GRM1: variants seen among roughly 807,000 people sequenced by gnomAD.
The protein encoded by GRM1 is glutamate metabotropic receptor 1, also known as metabotropic glutamate receptor 1.
In GRM1, 33 loss-of-function variants were observed where a neutral mutation model predicts 90.9. The observed-to-expected ratio is 0.36, with a 90% CI of 0.28 to 0.49. The LOEUF is 0.49. GRM1 is among the 20% of genes least tolerant of loss of function. GRM1 has a pLI of 0.99. For synonymous variants in GRM1, 700 were observed against 613.2 expected (o/e 1.14, Z -2.09); for missense variants, 1,190 against 1,534.3 (o/e 0.78, Z 3.75).
chr6:146,132,318 G>C (rs1405956020), intron 1 of GRM1, among the ~76,000 whole-genome samples: 2 of 152,146 alleles, frequency 1.3e-5, no homozygotes, highest in Admixed American at 6.5e-5. Context: ...TATGGCAATA[G>C]TCAAGGAGCG....
At chr6:146,084,447 C>T (rs1010923258) in intron 1 of GRM1, among the ~76,000 whole-genome samples, 6 of 152,042 alleles carry the variant, frequency 3.9e-5, no homozygotes, top group East Asian at 1.9e-4. Flanking sequence ...TCTTCGTTCT[C>T]GTTGGTTTCA....
intron 6 of GRM1, among the ~76,000 whole-genome samples, chr6:146,396,408 T>C (rs1029775496): frequency 2.6e-5 from 4 of 152,138 alleles, no homozygotes; most frequent in Admixed American, 6.5e-5. Flanking sequence ...AGTATTCTTG[T>C]AAAGGTTTTC....
At chr6:146,247,417 C>CT (rs1479786974) in intron 2 of GRM1, among the ~76,000 whole-genome samples, 1 of 152,058 alleles carries the variant, frequency 6.6e-6, no homozygotes, top group Non-Finnish European at 1.5e-5. Flanking sequence ...AATAAGTAGC[C>CT]TGCTACTTTA....
intron 2 of GRM1, among the ~76,000 whole-genome samples, chr6:146,276,481 GA>G (rs923023757): frequency 2.6e-5 from 4 of 151,918 alleles, no homozygotes; most frequent in African/African-American, 9.7e-5. Flanking sequence ...TGTTATTATA[GA>G]ACATAATTAT....
intron 1 of GRM1, among the ~76,000 whole-genome samples, chr6:146,080,739 AT>A (rs984933358): frequency 6.6e-6 from 1 of 152,102 alleles, no homozygotes; most frequent in Non-Finnish European, 1.5e-5. Flanking sequence ...AGCAAGACTA[AT>A]TTTTTTGTGT....
chr6:146,215,996 G>A (rs1354456234), intron 2 of GRM1, among the ~76,000 whole-genome samples: 6 of 152,134 alleles, frequency 3.9e-5, no homozygotes, highest in African/African-American at 1.2e-4. Flanking sequence ...TGAACTTATG[G>A]TCTGCCCGCC....
At chr6:146,272,211 GCTTGGGGATT>G (rs879628130) in intron 2 of GRM1, among the ~76,000 whole-genome samples, 5 of 152,214 alleles carry the variant, frequency 3.3e-5, no homozygotes, top group African/African-American at 4.8e-5. Context: ...ATGCAAGGGT[GCTTGGGGATT>G]CTTTTGAGCT....
intron 1 of GRM1, among the ~76,000 whole-genome samples, chr6:146,054,591 T>C (rs1775413343): frequency 6.6e-6 from 1 of 152,010 alleles, no homozygotes; most frequent in Non-Finnish European, 1.5e-5. Context: ...CCTAACATAG[T>C]TTATGTCAGG....
chr6:146,101,904 T>A (rs1024086542), intron 1 of GRM1, among the ~76,000 whole-genome samples: 16 of 151,202 alleles, frequency 1.1e-4, no homozygotes, highest in Non-Finnish European at 1.5e-5. Context: ...ATAAAATTAA[T>A]ACCAACTTAC....
chr6:146,268,964 T>A (rs1165269208), intron 2 of GRM1, among the ~76,000 whole-genome samples: 1 of 152,178 alleles, frequency 6.6e-6, no homozygotes, highest in African/African-American at 2.4e-5. Flanking sequence ...GCCAACTGAT[T>A]TTTGACAAAG....
At chr6:146,336,358 G>A (rs766794841) in intron 3 of GRM1, among the ~76,000 whole-genome samples, 1 of 152,182 alleles carries the variant, frequency 6.6e-6, no homozygotes, top group Non-Finnish European at 1.5e-5. Flanking sequence ...GTTAAGTAAT[G>A]TCTCAGCTGG....
chr6:146,104,722 G>A (rs542261298), intron 1 of GRM1, among the ~76,000 whole-genome samples: 5 of 152,296 alleles, frequency 3.3e-5, no homozygotes, highest in African/African-American at 7.2e-5. Context: ...GAGCTCTAGC[G>A]AAATGAACAC....
intron 5 of GRM1, among the ~76,000 whole-genome samples, chr6:146,380,163 C>A (rs1230513296): frequency 6.6e-6 from 1 of 152,090 alleles, no homozygotes; most frequent in Non-Finnish European, 1.5e-5. Flanking sequence ...AGTGGCAAAG[C>A]CAGCCAGGTC....
At chr6:146,141,098 G>A (rs1359107048) in intron 1 of GRM1, among the ~76,000 whole-genome samples, 1 of 152,152 alleles carries the variant, frequency 6.6e-6, no homozygotes, top group Non-Finnish European at 1.5e-5. Context: ...GTTTGTCTGA[G>A]AAAGTTTTTA....
At chr6:146,207,531 T>C (rs1779536620) in intron 2 of GRM1, among the ~76,000 whole-genome samples, 1 of 152,090 alleles carries the variant, frequency 6.6e-6, no homozygotes, top group South Asian at 2.1e-4. Flanking sequence ...ATTTTCTCCA[T>C]CAGAGCTCTG....
chr6:146,386,870 A>T lies in GRM1; in HGVS notation c.1603-20A>T. On this transcript the variant is annotated intron_variant, in intron 5 of 7. Coordinates refer to ENST00000282753, the MANE Select transcript of GRM1 (RefSeq NM_001278064.2). ...TCTGGGAAAACTATCTTTAAAATTCATGAAATATCTATGTTATAGGTTATA... is the reference window on the plus strand; with the variant it reads ...TCTGGGAAAACTATCTTTAAAATTCTTGAAATATCTATGTTATAGGTTATA... 6.3e-7 allele frequency: 1 copy of T among 1,595,018 alleles called. No individual in the cohort carries two copies. The highest frequency in any genetic ancestry group is 2.2e-5 in the East Asian group (1 of 44,748).
chr6:146,393,483 G>C (rs1046323474), intron 6 of GRM1, among the ~76,000 whole-genome samples: 2 of 152,132 alleles, frequency 1.3e-5, no homozygotes, highest in African/African-American at 4.8e-5. Flanking sequence ...TAGGTTGCCT[G>C]TTCACTCTGA....
intron 2 of GRM1, among the ~76,000 whole-genome samples, chr6:146,170,149 G>A (rs986510955): frequency 3.4e-4 from 51 of 152,028 alleles, no homozygotes; most frequent in African/African-American, 1.2e-3. Flanking sequence ...GTATATTACT[G>A]TGGTTTTCTT....
At chr6:146,164,242 A>G (rs991040799) in intron 2 of GRM1, among the ~76,000 whole-genome samples, 2 of 152,182 alleles carry the variant, frequency 1.3e-5, no homozygotes, top group African/African-American at 4.8e-5. Context: ...AAAGCAGAGA[A>G]GTTCAATAAT....
Sources: gnomAD v4.1 joint callset for allele counts (sites outside exome capture counted in the v4.1 genomes callset) on GRCh38, gnomAD v4.1.1 for gene constraint, MANE v1.5 for transcripts, NCBI Gene and HGNC (gene_info 2026-07-23, HGNC 2026-07-21) for gene names.